Variants in LARP1B observed in about 807,000 individuals in gnomAD.
LARP1B encodes the protein La ribonucleoprotein 1B, also known as la-related protein 1B.
LARP1B carries 76 observed loss-of-function variants against 114.2 expected under a neutral mutation model. The ratio of observed to expected loss-of-function variants is 0.67; its 90% CI spans 0.55 to 0.81. LARP1B has a LOEUF of 0.81. LARP1B is among the 30% of genes least tolerant of loss of function. The pLI is 0.00. For missense variants in LARP1B, 1,014 were observed against 1,075.8 expected (o/e 0.94, Z 0.80); for synonymous variants, 345 against 348.0 (o/e 0.99, Z 0.10).
At chr4:128,119,766 C>T (rs754189968) in intron 10 of LARP1B, among the ~76,000 whole-genome samples, 11 of 152,032 alleles carry the variant, frequency 7.2e-5, no homozygotes, top group African/African-American at 2.2e-4. Context: ...TCTGCTTTCC[C>T]GAAAGTCATA....
At chr4:128,100,336 G>A (rs979689916) in intron 8 of LARP1B, among the ~76,000 whole-genome samples, 3 of 151,402 alleles carry the variant, frequency 2.0e-5, no homozygotes, top group Admixed American at 6.6e-5. Context: ...GTTCTGGTGC[G>A]ATCTTGGCTC....
At chr4:128,136,327 AAC>A (rs1725282230) in intron 11 of LARP1B, among the ~76,000 whole-genome samples, 3 of 150,030 alleles carry the variant, frequency 2.0e-5, no homozygotes, top group Admixed American at 6.6e-5. Flanking sequence ...AAAACAAAAA[AAC>A]AAAAAAACAA....
chr4:128,062,914 T>TA (rs1009773204), intron 1 of LARP1B, among the ~76,000 whole-genome samples: 5 of 151,784 alleles, frequency 3.3e-5, no homozygotes, highest in South Asian at 2.1e-4. Flanking sequence ...TAAGTATAAT[T>TA]AAAAAAAATA....
chr4:128,116,976 G>A (rs2100798), intron 10 of LARP1B, among the ~76,000 whole-genome samples: 96,820 of 148,744 alleles, frequency 0.65, 31,799 homozygotes, highest in Middle Eastern at 0.81. Context: ...CAGTGGCGCA[G>A]TCTTGGCTCA....
intron 1 of LARP1B, chr4:128,069,647 G>A: frequency 1.7e-6 from 1 of 589,706 alleles, no homozygotes; most frequent in Non-Finnish European, 3.0e-6. Flanking sequence ...TAGACAGAAG[G>A]GGCACGGATT....
intron 8 of LARP1B, among the ~76,000 whole-genome samples, chr4:128,105,763 G>C (rs1781856605): frequency 6.6e-6 from 1 of 152,056 alleles, no homozygotes; most frequent in Admixed American, 6.6e-5. Flanking sequence ...GTGGTAGTGG[G>C]TGCCTGTAAT....
chr4:128,192,578 C>T (rs1270974484), intron 15 of LARP1B, among the ~76,000 whole-genome samples: 2 of 152,090 alleles, frequency 1.3e-5, no homozygotes, highest in East Asian at 3.9e-4. Context: ...TTATTGAATG[C>T]TTTGCTGAAA....
intron 10 of LARP1B, among the ~76,000 whole-genome samples, chr4:128,119,679 C>T (rs1580666123): frequency 6.6e-6 from 1 of 152,178 alleles, no homozygotes; most frequent in South Asian, 2.1e-4. Context: ...GCTTTTGCTT[C>T]CCCTTTAACC....
At chr4:128,148,608 T>A (rs568286186) in intron 11 of LARP1B, among the ~76,000 whole-genome samples, 28 of 152,110 alleles carry the variant, frequency 1.8e-4, no homozygotes, top group South Asian at 4.1e-4. Context: ...GATTTTTTTT[T>A]AAATTTTATT....
intron 11 of LARP1B, among the ~76,000 whole-genome samples, chr4:128,160,971 T>A (rs933921152): frequency 1.3e-5 from 2 of 152,384 alleles, no homozygotes; most frequent in Middle Eastern, 3.4e-3. Context: ...ATTTCCTTCC[T>A]GTTTTAAATT....
At chr4:128,219,035 C>T (rs1759758595) in intron 6 of LARP1B, among the ~76,000 whole-genome samples, 1 of 135,428 alleles carries the variant, frequency 7.4e-6, no homozygotes, top group African/African-American at 2.8e-5. Flanking sequence ...CCAAAAAACA[C>T]ATGAAAAAAT....
intron 1 of LARP1B, among the ~76,000 whole-genome samples, chr4:128,066,257 A>G (rs193231115): frequency 8.6e-4 from 124 of 144,484 alleles, no homozygotes; most frequent in African/African-American, 2.9e-3. Context: ...GCTCACTGCA[A>G]GCTCCGCCTC....
intron 1 of LARP1B, among the ~76,000 whole-genome samples, chr4:128,071,711 C>T (rs563866633): frequency 3.4e-4 from 51 of 152,172 alleles, no homozygotes; most frequent in African/African-American, 1.0e-3. Flanking sequence ...CATGAGCCAC[C>T]GCGCCTGGCC....
chr4:128,062,197 C>T, intron 1 of LARP1B: 1 of 985,432 alleles, frequency 1.0e-6, no homozygotes, highest in Non-Finnish European at 1.2e-6. Context: ...CGCCACCGCC[C>T]CCGCTGGAAA....
intron 4 of LARP1B, among the ~76,000 whole-genome samples, chr4:128,078,447 A>G (rs952376100): frequency 3.3e-5 from 5 of 151,908 alleles, no homozygotes; most frequent in African/African-American, 1.2e-4. Flanking sequence ...AAATACACAA[A>G]AAAATTAGCC....
rs1738829862 is a variant in LARP1B at position 128,162,194 on chromosome 4, C to G, written c.1525C>G (p.Gln509Glu). The G allele has an allele frequency of 6.2e-7, 1 of 1,611,340 alleles. No individual in the cohort carries two copies. The highest frequency in any genetic ancestry group is 1.3e-5 in the African/African-American group (1 of 74,782). Residue 509 changes from glutamine to glutamate, a missense_variant and splice_region_variant, in exon 12 of 20, where the codon CAA (glutamine) becomes GAA (glutamate). Gln to Glu is a conservative substitution (Grantham distance 29). Coordinates refer to ENST00000326639, the MANE Select transcript of LARP1B (RefSeq NM_018078.4). ...EDENKHTAIK[Q>E]EVENFKKLNL... The stretch of plus-strand genomic sequence containing the variant: ...ATTAGATTCCTCCATTCTACTTCAG[C>G]AAGAAGTTGAGAACTTTAAGAAGCT...
At chr4:128,072,546 T>A (rs1343260631) in intron 1 of LARP1B, among the ~76,000 whole-genome samples, 12 of 151,938 alleles carry the variant, frequency 7.9e-5, no homozygotes, top group Non-Finnish European at 1.6e-4. Context: ...TTACTTGTAA[T>A]CTGTACGTAT....
intron 17 of LARP1B, among the ~76,000 whole-genome samples, chr4:128,202,757 AT>A (rs780397680): frequency 1.3e-5 from 2 of 152,124 alleles, no homozygotes; most frequent in Non-Finnish European, 2.9e-5. Context: ...TTTCTGCAGT[AT>A]TTACCACTAG....
chr4:128,090,999 A>C lies in LARP1B; in HGVS notation c.359-2A>C. 1.3e-6 allele frequency: 2 copies of C among 1,583,158 alleles called. No individual in the cohort carries two copies. The highest frequency in any genetic ancestry group is 1.7e-6 in the Non-Finnish European group (2 of 1,163,656). On this transcript the variant is annotated splice_acceptor_variant, in intron 5 of 19. Coordinates refer to ENST00000326639, the MANE Select transcript of LARP1B (RefSeq NM_018078.4). LOFTEE classifies it high-confidence loss of function. ...ATATAAAAATATTTTTATTTTTAAA[A>C]GGTTGGAAGCGAGATAGAGAAAAAA...
Sources: allele counts gnomAD v4.1 joint callset (sites outside exome capture counted in the v4.1 genomes callset), GRCh38; gene constraint gnomAD v4.1.1; transcripts MANE v1.5; gene names NCBI Gene and HGNC (gene_info 2026-07-23, HGNC 2026-07-21).